Variants in PDE3A observed in about 807,000 individuals in gnomAD.
The protein encoded by PDE3A is cGMP-inhibited 3',5'-cyclic phosphodiesterase 3A.
In PDE3A, 43 loss-of-function variants were observed where a neutral mutation model predicts 98.3. The ratio of observed to expected loss-of-function variants is 0.44; its 90% CI spans 0.34 to 0.56. The LOEUF (loss-of-function observed/expected upper bound fraction) is 0.56, where lower values mean the gene tolerates loss of function less well. Ranked by LOEUF, PDE3A falls within the 20% of genes least tolerant of loss-of-function variation. The pLI, the probability that PDE3A is intolerant of heterozygous loss-of-function variation, is 0.01. For missense variants in PDE3A, 1,427 were observed against 1,440.7 expected (o/e 0.99, Z 0.15); for synonymous variants, 663 against 567.9 (o/e 1.17, Z -2.38).
At chr12:20,498,052 G>A (rs1408704255) in intron 1 of PDE3A, among the ~76,000 whole-genome samples, 1 of 152,100 alleles carries the variant, frequency 6.6e-6, no homozygotes, top group East Asian at 1.9e-4. Context: ...AGTGTTATAC[G>A]GTAGGCTAAA....
intron 1 of PDE3A, among the ~76,000 whole-genome samples, chr12:20,532,027 AGAGAT>A (rs2121189663): frequency 6.6e-6 from 1 of 152,216 alleles, no homozygotes; most frequent in South Asian, 2.1e-4. Context: ...TTCTGCCCTC[AGAGAT>A]GAAAGTGACA....
intron 9 of PDE3A, among the ~76,000 whole-genome samples, chr12:20,638,224 T>C (rs1277424658): frequency 6.6e-6 from 1 of 152,138 alleles, no homozygotes; most frequent in Non-Finnish European, 1.5e-5. Flanking sequence ...TGGAACTTCG[T>C]TTGGGGTGAG....
At chr12:20,419,497 A>G (rs1944475982) in intron 1 of PDE3A, among the ~76,000 whole-genome samples, 1 of 151,574 alleles carries the variant, frequency 6.6e-6, no homozygotes. Context: ...TTTTAGAGAC[A>G]GGGTCTCTAA....
intron 1 of PDE3A, among the ~76,000 whole-genome samples, chr12:20,424,428 G>T (rs151167420): frequency 6.6e-6 from 1 of 152,204 alleles, no homozygotes; most frequent in Non-Finnish European, 1.5e-5. Flanking sequence ...GATACAAATA[G>T]ATGTAAGGGA....
intron 1 of PDE3A, among the ~76,000 whole-genome samples, chr12:20,445,823 G>A (rs992157282): frequency 7.2e-5 from 11 of 151,924 alleles, no homozygotes; most frequent in Non-Finnish European, 1.3e-4. Flanking sequence ...GACTGATGAC[G>A]CCCTATGCTC....
intron 1 of PDE3A, among the ~76,000 whole-genome samples, chr12:20,391,462 C>T (rs181403905): frequency 1.5e-4 from 22 of 150,018 alleles, no homozygotes; most frequent in Admixed American, 8.0e-4. Flanking sequence ...ATCAAGGGTC[C>T]GGAAGTGCAA....
chr12:20,551,827 G>A (rs1218299838), intron 1 of PDE3A: 7 of 1,613,820 alleles, frequency 4.3e-6, no homozygotes, highest in Non-Finnish European at 5.9e-6. Context: ...CTGGGACAAG[G>A]GCATGGCCTG....
intron 1 of PDE3A, among the ~76,000 whole-genome samples, chr12:20,398,799 T>C (rs1333241408): frequency 6.6e-6 from 1 of 152,154 alleles, no homozygotes; most frequent in Non-Finnish European, 1.5e-5. Flanking sequence ...ATTTCCTGTA[T>C]TTTTTTAAAA....
chr12:20,661,655 G>A lies in PDE3A; in HGVS notation c.3184+7450G>A, dbSNP rs925638046. On this transcript the variant is annotated intron_variant, in intron 15 of 15. Coordinates refer to ENST00000359062, the MANE Select transcript of PDE3A (RefSeq NM_000921.5). ...TGGGCTGTTGCTTGAGAGGGTGGACGCCTCAAGCCTTGGCACCTTCCATGT... is the reference window on the plus strand; with the variant it reads ...TGGGCTGTTGCTTGAGAGGGTGGACACCTCAAGCCTTGGCACCTTCCATGT... Among the ~76,000 whole-genome samples the A allele has an allele frequency of 3.3e-5, 5 of 152,186 alleles. No individual in the cohort carries two copies. The East Asian group carries it at 5.8e-4, about 18-fold the overall frequency.
At chr12:20,377,672 A>C (rs774681169) in intron 1 of PDE3A, among the ~76,000 whole-genome samples, 2 of 151,818 alleles carry the variant, frequency 1.3e-5, no homozygotes, top group Non-Finnish European at 2.9e-5. Flanking sequence ...GTACCACTCT[A>C]ATAGTTGCCA....
intron 15 of PDE3A, among the ~76,000 whole-genome samples, chr12:20,674,539 G>A (rs1945582336): frequency 6.6e-6 from 1 of 152,158 alleles, no homozygotes; most frequent in South Asian, 2.1e-4. Flanking sequence ...CATATATTGA[G>A]AGGATAGATG....
rs1371723034 is a variant in PDE3A at position 20,369,811 on chromosome 12, T to A, written c.527T>A (p.Ile176Asn). ...TGCGGGGGGGAAGCGCTCGTCCAGA[T>A]TGGGCTGGGCGTCGGGGAGGATCAC... is the stretch of plus-strand genomic sequence containing the variant. Reference protein sequence around the residue: ...ACCGGEALVQIGLGVGEDHLL... With the variant: ...ACCGGEALVQNGLGVGEDHLL... The change falls in exon 1 of 16, where the codon ATT (isoleucine) becomes AAT (asparagine). Residue 176 changes from isoleucine to asparagine, a missense_variant. Ile to Asn is a moderately radical substitution (Grantham distance 149). This residue lies in a region of PDE3A where 1,012 missense variants were observed against 886.5 expected (regional missense o/e 1.14). Coordinates refer to ENST00000359062, the MANE Select transcript of PDE3A (RefSeq NM_000921.5). The A allele has an allele frequency of 1.9e-6, 3 of 1,611,842 alleles. No individual in the cohort carries two copies. The highest frequency in any genetic ancestry group is 2.5e-6 in the Non-Finnish European group (3 of 1,179,506).
intron 1 of PDE3A, among the ~76,000 whole-genome samples, chr12:20,460,257 G>A (rs559575044): frequency 6.6e-6 from 1 of 152,316 alleles, no homozygotes; most frequent in East Asian, 1.9e-4. Flanking sequence ...GAAAGATGGG[G>A]ATGGAGTTGA....
At position 20,497,483 on chromosome 12, in the gene PDE3A, G is replaced by A. The variant is rs573912711; in HGVS notation, c.961-59177G>A. On this transcript the variant is annotated intron_variant, in intron 1 of 15. Coordinates refer to ENST00000359062, the MANE Select transcript of PDE3A (RefSeq NM_000921.5). ...CTTGGGCAGGTGTTTCTGCTATAACGTGATTTTAAAGTTTTTAAAAAACAT... is the reference window on the plus strand; with the variant it reads ...CTTGGGCAGGTGTTTCTGCTATAACATGATTTTAAAGTTTTTAAAAAACAT... Among the ~76,000 whole-genome samples the A allele has an allele frequency of 6.0e-5, 9 of 151,142 alleles. No homozygotes were observed. The South Asian group carries it at 1.0e-3, about 17-fold the overall frequency.
At chr12:20,678,563 T>G (rs765621825) in intron 15 of PDE3A, among the ~76,000 whole-genome samples, 1 of 152,220 alleles carries the variant, frequency 6.6e-6, no homozygotes, top group African/African-American at 2.4e-5. Context: ...AAACATGATG[T>G]TGGCTATTAT....
At chr12:20,402,011 A>G (rs930448532) in intron 1 of PDE3A, among the ~76,000 whole-genome samples, 1 of 152,140 alleles carries the variant, frequency 6.6e-6, no homozygotes, top group African/African-American at 2.4e-5. Context: ...CAGTTGATGA[A>G]TGGTACTTAG....
At position 20,455,091 on chromosome 12, in the gene PDE3A, C is replaced by T. The variant is rs555332248; in HGVS notation, c.960+84847C>T. On this transcript the variant is annotated intron_variant, in intron 1 of 15. Transcript: ENST00000359062. ...TGAACTCCCACCAACAGTGTATAAGCGTTTCTTTTTCTCCACAGCCTCACC... is the reference window on the plus strand; with the variant it reads ...TGAACTCCCACCAACAGTGTATAAGTGTTTCTTTTTCTCCACAGCCTCACC... Among the ~76,000 whole-genome samples the T allele has an allele frequency of 2.0e-4, 30 of 152,228 alleles. No homozygotes were observed. In the South Asian group the frequency reaches 5.6e-3, roughly 28 times the overall value.
intron 1 of PDE3A, among the ~76,000 whole-genome samples, chr12:20,396,052 C>G (rs768415610): frequency 4.6e-5 from 7 of 152,130 alleles, no homozygotes; most frequent in Non-Finnish European, 1.0e-4. Flanking sequence ...TGAGCCACTG[C>G]ACTTGGCCTA....
chr12:20,624,094 G>T (rs777013479), intron 5 of PDE3A, among the ~76,000 whole-genome samples: 21 of 152,020 alleles, frequency 1.4e-4, no homozygotes, highest in Non-Finnish European at 2.6e-4. Flanking sequence ...GAAACTGAGG[G>T]AAAAGAAGGT....
Sources: gnomAD v4.1 joint callset for allele counts (sites outside exome capture counted in the v4.1 genomes callset) on GRCh38, gnomAD v4.1.1 for gene constraint, gnomAD v4.1.1 regional missense constraint, MANE v1.5 for transcripts, NCBI Gene and HGNC (gene_info 2026-07-23, HGNC 2026-07-21) for gene names.